Variants in CFAP299 observed in about 807,000 individuals in gnomAD.
CFAP299 encodes the protein cilia- and flagella-associated protein 299.
CFAP299 carries 21 observed loss-of-function variants against 27.0 expected under a neutral mutation model. That is an observed-to-expected ratio of 0.78 (90% CI 0.55 to 1.12). CFAP299 has a LOEUF of 1.12. Among genes scored for constraint, CFAP299 ranks in the 50% most tolerant of loss-of-function variants. The pLI is 0.00. For synonymous variants in CFAP299, 104 were observed against 98.1 expected, an observed-to-expected ratio of 1.06 and a Z score of -0.36; for missense variants, 310 against 276.6, an observed-to-expected ratio of 1.12 and a Z score of -0.86.
At chr4:80,591,564 C>G (rs1273368331) in intron 3 of CFAP299, among the ~76,000 whole-genome samples, 1 of 152,034 alleles carries the variant, frequency 6.6e-6, no homozygotes, top group Non-Finnish European at 1.5e-5. Context: ...CATGGATGTC[C>G]TCACTAATCC....
At position 80,656,460 on chromosome 4, in the gene CFAP299, G is replaced by T. The variant is rs565059138; in HGVS notation, c.333+73277G>T. ...CTCATTGTTCAACTCCCACTTATGA[G>T]TGAGAACATGCAGTGTTTGGTTTTC... is the stretch of plus-strand genomic sequence containing the variant. On this transcript the variant is annotated intron_variant, in intron 3 of 5. Coordinates refer to ENST00000358105, the MANE Select transcript of CFAP299 (RefSeq NM_152770.3). Among the ~76,000 whole-genome samples, 4 of 152,150 alleles carry T rather than the reference G, an allele frequency of 2.6e-5. No individual in the cohort carries two copies. In the South Asian group the frequency reaches 8.3e-4, roughly 32 times the overall value.
intron 3 of CFAP299, among the ~76,000 whole-genome samples, chr4:80,677,207 T>C (rs1019452903): frequency 1.3e-5 from 2 of 152,074 alleles, no homozygotes; most frequent in African/African-American, 4.8e-5. Context: ...CATTCACCCG[T>C]TGGTCATTGA....
intron 2 of CFAP299, among the ~76,000 whole-genome samples, chr4:80,422,133 T>C (rs1727312860): frequency 6.6e-6 from 1 of 152,066 alleles, no homozygotes; most frequent in Non-Finnish European, 1.5e-5. Context: ...TTAAAAAAAA[T>C]ACTATCTTGT....
intron 2 of CFAP299, chr4:80,386,573 C>T (rs1279613949): frequency 1.9e-6 from 3 of 1,597,464 alleles, no homozygotes; most frequent in East Asian, 4.5e-5. Flanking sequence ...GAGACGACAG[C>T]GGTGATCTTT....
intron 2 of CFAP299, among the ~76,000 whole-genome samples, chr4:80,567,363 T>C (rs1047132905): frequency 6.6e-6 from 1 of 152,086 alleles, no homozygotes; most frequent in African/African-American, 2.4e-5. Flanking sequence ...TGTTCTCCTT[T>C]TCTGAAAGTT....
chr4:80,546,368 C>T (rs1382683943), intron 2 of CFAP299, among the ~76,000 whole-genome samples: 1 of 152,162 alleles, frequency 6.6e-6, no homozygotes, highest in Non-Finnish European at 1.5e-5. Flanking sequence ...AATGCAATCT[C>T]ATTTACAATA....
At chr4:80,939,328 C>T (rs1162276506) in intron 4 of CFAP299, among the ~76,000 whole-genome samples, 1 of 152,122 alleles carries the variant, frequency 6.6e-6, no homozygotes, top group East Asian at 1.9e-4. Flanking sequence ...TTGATGGCAT[C>T]CTATAAGCAA....
intron 2 of CFAP299, among the ~76,000 whole-genome samples, chr4:80,456,983 CTT>C (rs34551414): frequency 2.7e-4 from 39 of 142,674 alleles, no homozygotes; most frequent in Admixed American, 2.8e-4. Flanking sequence ...ATTCCAAATG[CTT>C]TTTTTTTTTT....
At chr4:80,496,043 T>C (rs1731419570) in intron 2 of CFAP299, among the ~76,000 whole-genome samples, 1 of 152,204 alleles carries the variant, frequency 6.6e-6, no homozygotes, top group Admixed American at 6.5e-5. Flanking sequence ...CTGAAATGAC[T>C]TCAAGGCCTT....
At chr4:80,835,109 T>C (rs1730490617) in intron 3 of CFAP299, among the ~76,000 whole-genome samples, 1 of 152,112 alleles carries the variant, frequency 6.6e-6, no homozygotes, top group Non-Finnish European at 1.5e-5. Flanking sequence ...AGTGCTTGAA[T>C]TTTTTGTTTG....
chr4:80,543,157 A>C (rs1051896679), intron 2 of CFAP299, among the ~76,000 whole-genome samples: 1 of 152,220 alleles, frequency 6.6e-6, no homozygotes, highest in East Asian at 1.9e-4. Flanking sequence ...CGCAACTGGC[A>C]CCACAGTCAA....
rs1726011397 is a variant in CFAP299 at position 80,768,333 on chromosome 4, A to G, written c.334-101660A>G. On this transcript the variant is annotated intron_variant, in intron 3 of 5. Transcript: ENST00000358105. ...AATTTGAGTTTAAATTGGTTACCCT[A>G]AAGTCAAAGAGACAGAGATTGTTCC... 2.0e-5 allele frequency among the ~76,000 whole-genome samples: 3 copies of G among 152,224 alleles called. No homozygotes were observed. The South Asian group carries it at 6.2e-4, about 31-fold the overall frequency.
At chr4:80,576,544 G>A (rs1409032151) in intron 2 of CFAP299, among the ~76,000 whole-genome samples, 2 of 151,934 alleles carry the variant, frequency 1.3e-5, no homozygotes, top group Non-Finnish European at 2.9e-5. Context: ...AATTATTTGG[G>A]ACCATGCAAA....
At chr4:80,335,934 C>G (rs1010613771) in intron 1 of CFAP299, 55 bp downstream of exon 1, 5 of 1,111,924 alleles carry the variant, frequency 4.5e-6, no homozygotes, top group Non-Finnish European at 6.9e-6. Flanking sequence ...GGTCCCTCCT[C>G]GAGTTCCCGC....
At chr4:80,653,310 G>T (rs948680177) in intron 3 of CFAP299, among the ~76,000 whole-genome samples, 2 of 152,034 alleles carry the variant, frequency 1.3e-5, no homozygotes, top group African/African-American at 4.8e-5. Flanking sequence ...CATTTTTAGT[G>T]ATGTTTCCTT....
intron 3 of CFAP299, among the ~76,000 whole-genome samples, chr4:80,751,458 C>G (rs894637992): frequency 5.3e-5 from 8 of 152,122 alleles, no homozygotes; most frequent in Non-Finnish European, 7.4e-5. Flanking sequence ...GGCAGCTGCC[C>G]CTCCCCCTGG....
At chr4:80,706,362 T>A (rs2110032264) in intron 3 of CFAP299, among the ~76,000 whole-genome samples, 1 of 151,938 alleles carries the variant, frequency 6.6e-6, no homozygotes, top group Non-Finnish European at 1.5e-5. Flanking sequence ...CCCACTTATA[T>A]TAAATCTTGG....
At chr4:80,915,146 T>G (rs1179040920) in intron 4 of CFAP299, among the ~76,000 whole-genome samples, 2 of 152,018 alleles carry the variant, frequency 1.3e-5, no homozygotes, top group Non-Finnish European at 2.9e-5. Context: ...ATGCTCATGA[T>G]TTTTGCTTTG....
At chr4:80,366,091 T>C (rs2110002893) in intron 2 of CFAP299, among the ~76,000 whole-genome samples, 1 of 152,290 alleles carries the variant, frequency 6.6e-6, no homozygotes, top group East Asian at 1.9e-4. Context: ...GTTCATTTAG[T>C]GTTGTTGACA....
Sources: gnomAD v4.1 joint callset for allele counts (sites outside exome capture counted in the v4.1 genomes callset) on GRCh38, gnomAD v4.1.1 for gene constraint, MANE v1.5 for transcripts, NCBI Gene and HGNC (gene_info 2026-07-23, HGNC 2026-07-21) for gene names.